The following TTL variants were observed in gnomAD, a reference collection of about 807,000 sequenced individuals.
The protein encoded by TTL is tubulin tyrosine ligase.
A neutral mutation model predicts 41.1 loss-of-function variants in TTL; 10 were observed. That is an observed-to-expected ratio of 0.24 (90% CI 0.15 to 0.41). The LOEUF (loss-of-function observed/expected upper bound fraction) is 0.41. TTL is among the 10% of genes least tolerant of loss of function. The pLI, the probability that TTL is intolerant of heterozygous loss-of-function variation, is 1.00. For synonymous variants in TTL, 175 were observed against 175.5 expected (o/e 1.00, Z 0.02); for missense variants, 367 against 460.4 (o/e 0.80, Z 1.86).
chr2:112,503,126 G>A lies in TTL; in HGVS notation c.820G>A (p.Ala274Thr), dbSNP rs1681745957. Residue 274 changes from alanine to threonine, a missense_variant, in exon 5 of 7, where the codon GCT becomes ACT. Physicochemically the swap from Ala to Thr is moderately conservative, Grantham distance 58. Transcript: ENST00000233336. Reference protein sequence around the residue: ...FKEFNQYLTSALNITLESSIL... With the variant: ...FKEFNQYLTSTLNITLESSIL... ...GGAGTTCAATCAGTACCTAACAAGTGCTTTGAACATTACCCTAGAAAGTAG... is the reference window on the plus strand; with the variant it reads ...GGAGTTCAATCAGTACCTAACAAGTACTTTGAACATTACCCTAGAAAGTAG... 3 of 1,612,460 alleles carry A rather than the reference G, an allele frequency of 1.9e-6. No homozygotes were observed. The highest frequency in any genetic ancestry group is 2.2e-5 in the East Asian group (1 of 44,862).
intron 6 of TTL, among the ~76,000 whole-genome samples, chr2:112,525,315 C>T (rs1484550146): frequency 6.6e-6 from 1 of 152,026 alleles, no homozygotes; most frequent in Non-Finnish European, 1.5e-5. Context: ...TAGTTTTTTC[C>T]AATTCTGTGA....
In TTL at chr2:112,501,901, T is replaced by G. The variant is rs1304959698; in HGVS notation, c.605+560T>G. 5.3e-5 allele frequency among the ~76,000 whole-genome samples: 8 copies of G among 151,842 alleles called. No homozygotes were observed. The East Asian group carries it at 1.5e-3, about 29-fold the overall frequency. ...AAAAAAAAAATCTTTTCTATAAAAA[T>G]GACTTGTGGATTCAAAGAAATGAAT... On this transcript the variant is annotated intron_variant, in intron 4 of 6. Coordinates refer to ENST00000233336, the MANE Select transcript of TTL (RefSeq NM_153712.5).
In TTL at chr2:112,540,433, C is replaced by CAAAAAAAAAAAAAAA. The variant is rs76177853; in HGVS notation, c.*11640_*11654dup. 1.8e-5 allele frequency: 2 copies of CAAAAAAAAAAAAAAA among 113,878 alleles called. No individual in the cohort carries two copies. Among genetic ancestry groups the CAAAAAAAAAAAAAAA allele is most frequent in the African/African-American group, 6.1e-5 (2 of 32,614 alleles). The allele number at this position is 113,878 out of a possible 1,614,324, so 7.1% of individuals were successfully genotyped here. A position where few individuals can be genotyped will look rare whatever the true frequency, so the allele number is the denominator to read the frequency against. On this transcript the variant is annotated 3_prime_UTR_variant, in exon 7 of 7. Transcript: ENST00000233336. The stretch of plus-strand genomic sequence containing the variant: ...AACTCTGTCTCAAAAAAACAAAAAA[C>CAAAAAAAAAAAAAAA]AAAAAAAAAAAAAAAAGAGAAAGAA...
At chr2:112,490,887 T>C (rs1681365737) in intron 2 of TTL, among the ~76,000 whole-genome samples, 1 of 152,148 alleles carries the variant, frequency 6.6e-6, no homozygotes, top group Non-Finnish European at 1.5e-5. Context: ...ATCCATATTT[T>C]AATACAACCT....
At chr2:112,515,189 C>T (rs1682034002) in intron 5 of TTL, among the ~76,000 whole-genome samples, 1 of 152,106 alleles carries the variant, frequency 6.6e-6, no homozygotes, top group Admixed American at 6.6e-5. Flanking sequence ...ATCTAGATTA[C>T]CCATGGCAGA....
At chr2:112,497,655 T>C (rs1338766138) in intron 3 of TTL, among the ~76,000 whole-genome samples, 5 of 151,694 alleles carry the variant, frequency 3.3e-5, no homozygotes, top group Non-Finnish European at 7.4e-5. Flanking sequence ...CTTTTCCAGG[T>C]TGATTTGCAG....
chr2:112,492,741 A>T (rs562457296), intron 2 of TTL, among the ~76,000 whole-genome samples: 1 of 151,262 alleles, frequency 6.6e-6, no homozygotes, highest in East Asian at 2.0e-4. Context: ...AAAAAAAAAA[A>T]TTTGCTGGGT....
rs1682703208 is a variant in TTL, at chr2:112,540,635, C to T, written c.*11840C>T. The T allele has an allele frequency of 6.6e-6, 1 of 152,120 alleles. No homozygotes were observed. Among genetic ancestry groups the T allele is most frequent in the African/African-American group, 2.4e-5 (1 of 41,422 alleles). The allele number at this position is 152,120 out of a possible 1,614,324, so 9.4% of individuals were successfully genotyped here. A position where few individuals can be genotyped will look rare whatever the true frequency, so the allele number is the denominator to read the frequency against. ...AGATATACAGATAAATGTAGATAGA[C>T]ATACAGATCAAGAGAATAGAACTGA... On this transcript the variant is annotated 3_prime_UTR_variant, in exon 7 of 7. Coordinates refer to ENST00000233336, the MANE Select transcript of TTL (RefSeq NM_153712.5).
intron 2 of TTL, among the ~76,000 whole-genome samples, chr2:112,490,059 C>T (rs72946336): frequency 0.019 from 2,878 of 152,206 alleles, 70 homozygotes; most frequent in African/African-American, 0.049. Context: ...ACTGGAGAAT[C>T]ATTGAGTATA....
intron 3 of TTL, among the ~76,000 whole-genome samples, chr2:112,495,450 G>A (rs1449257539): frequency 2.0e-5 from 3 of 152,198 alleles, no homozygotes; most frequent in African/African-American, 7.2e-5. Context: ...CATGTAAGGG[G>A]TAAGGTTTAT....
chr2:112,483,772 A>G (rs539229299), intron 1 of TTL: 6 of 152,310 alleles, frequency 3.9e-5, no homozygotes, highest in Non-Finnish European at 7.3e-5. Flanking sequence ...ACCTGGGACA[A>G]CTTTTCATTG....
rs1404771555 is a variant in TTL, at chr2:112,535,009, A to G, written c.*6214A>G. On this transcript the variant is annotated 3_prime_UTR_variant, in exon 7 of 7. Coordinates refer to ENST00000233336, the MANE Select transcript of TTL (RefSeq NM_153712.5). ...GAAAGGCAGGCAGAAAGAAGGAGAA[A>G]GGGAGGGAGGGAGGGAAAGGAGGGA... 1 of 138,604 alleles carries G rather than the reference A, an allele frequency of 7.2e-6. No homozygotes were observed. Among genetic ancestry groups the G allele is most frequent in the East Asian group, 2.6e-4 (1 of 3,898 alleles). 8.6% of individuals were successfully genotyped at this position (138,604 alleles called of 1,614,324 possible).
chr2:112,520,156 CAG>C (rs1340899010), intron 5 of TTL, 124 bp from the exon 6 acceptor site: 7 of 739,720 alleles, frequency 9.5e-6, no homozygotes, highest in South Asian at 2.7e-5. Flanking sequence ...AAAAAGGAAA[CAG>C]AGAATTAAAG....
rs372741133 is a variant in TTL, at chr2:112,520,351, C to T, written c.945C>T (p.Phe315=). 1.7e-4 allele frequency: 272 copies of T among 1,614,160 alleles called. 3 individuals carry two copies. The South Asian group carries it at 2.5e-3, about 15-fold the overall frequency. The change falls in exon 6 of 7, where the codon TTC becomes TTT. Residue 315 remains phenylalanine (F), a synonymous_variant. Transcript: ENST00000233336. ...KHLPYQSFQL[F]GFDFMVDEEL... ...TCCCTTACCAGAGCTTCCAGCTCTT[C>T]GGCTTTGACTTCATGGTCGATGAGG... is the stretch of plus-strand genomic sequence containing the variant.
intron 5 of TTL, among the ~76,000 whole-genome samples, chr2:112,518,866 G>A (rs1682148114): frequency 6.6e-6 from 1 of 151,892 alleles, no homozygotes; most frequent in Non-Finnish European, 1.5e-5. Flanking sequence ...GTAGAGATGG[G>A]GTTTTGCCAT....
At chr2:112,492,823 A>G (rs1293539040) in intron 2 of TTL, among the ~76,000 whole-genome samples, 1 of 152,170 alleles carries the variant, frequency 6.6e-6, no homozygotes, top group East Asian at 1.9e-4. Context: ...CCCGGGAGGT[A>G]GAGGTTGCAG....
intron 6 of TTL, among the ~76,000 whole-genome samples, chr2:112,523,333 TGTGGG>T (rs1485347721): frequency 0.013 from 1,280 of 100,134 alleles, 22 homozygotes; most frequent in African/African-American, 0.044. Flanking sequence ...AGAAACTGTC[TGTGGG>T]TGTGTGTGTG....
Position 112,540,659 on chromosome 2 carries a change from G to C in TTL, c.*11864G>C, listed in dbSNP as rs913998397. Reference sequence around the variant, plus strand: ...ACATACAGATCAAGAGAATAGAACTGAGAGTCAAAAATAAACCCTTGCATC... The same window carrying C: ...ACATACAGATCAAGAGAATAGAACTCAGAGTCAAAAATAAACCCTTGCATC... On this transcript the variant is annotated 3_prime_UTR_variant, in exon 7 of 7. Transcript: ENST00000233336. 1.3e-5 allele frequency: 2 copies of C among 152,202 alleles called. No individual in the cohort carries two copies. The highest frequency in any genetic ancestry group is 2.9e-5 in the Non-Finnish European group (2 of 68,044). 9.4% of individuals were successfully genotyped at this position (152,202 alleles called of 1,614,324 possible).
chr2:112,518,063 C>T (rs1183802242), intron 5 of TTL, among the ~76,000 whole-genome samples: 1 of 151,696 alleles, frequency 6.6e-6, no homozygotes, highest in Admixed American at 6.6e-5. Flanking sequence ...CACGTTCAAG[C>T]GATTCTCCTG....
Sources: allele counts gnomAD v4.1 joint callset (sites outside exome capture counted in the v4.1 genomes callset), GRCh38; gene constraint gnomAD v4.1.1; transcripts MANE v1.5; gene names NCBI Gene and HGNC (gene_info 2026-07-23, HGNC 2026-07-21).